SETD2: variants seen among roughly 807,000 people sequenced by gnomAD.
The protein encoded by SETD2 is SET domain containing 2, histone lysine methyltransferase.
In SETD2, 31 loss-of-function variants were observed where a neutral mutation model predicts 242.1. The observed-to-expected ratio is 0.13, with a 90% CI of 0.10 to 0.17. SETD2 has a LOEUF of 0.17. SETD2 is among the 10% of genes least tolerant of loss of function. The pLI is 1.00. For missense variants in SETD2, 2,481 were observed against 3,046.3 expected (o/e 0.81, Z 4.37); for synonymous variants, 1,006 against 1,066.5 (o/e 0.94, Z 1.11).
chr3:47,058,726 G>T (rs2040195276), intron 14 of SETD2, among the ~76,000 whole-genome samples: 1 of 151,856 alleles, frequency 6.6e-6, no homozygotes, highest in Non-Finnish European at 1.5e-5. Flanking sequence ...AAAACCAGAG[G>T]GTCAGAAAGC....
intron 16 of SETD2, among the ~76,000 whole-genome samples, chr3:47,045,052 C>G (rs2107545596): frequency 6.6e-6 from 1 of 152,206 alleles, no homozygotes; most frequent in East Asian, 1.9e-4. Context: ...AAGGGATACT[C>G]AACCTGTACG....
At chr3:47,126,767 T>C in intron 1 of SETD2, 104 bp from the exon 2 acceptor site, 1 of 676,116 alleles carries the variant, frequency 1.5e-6, no homozygotes, top group African/African-American at 1.8e-5. Flanking sequence ...TTGGGATACT[T>C]ACTACCTACA....
chr3:47,096,882 T>C (rs2042030665), intron 9 of SETD2, among the ~76,000 whole-genome samples: 1 of 152,262 alleles, frequency 6.6e-6, no homozygotes, highest in African/African-American at 2.4e-5. Flanking sequence ...GTGTTTGTTA[T>C]ATAAACTGTC....
chr3:47,081,005 C>T (rs1403011690), intron 12 of SETD2: 8 of 986,716 alleles, frequency 8.1e-6, no homozygotes, highest in African/African-American at 3.5e-5. Flanking sequence ...TTCTTCAGCA[C>T]GAAGTTGGAA....
chr3:47,086,726 G>GT lies in SETD2; in HGVS notation c.5278-413dup, dbSNP rs987420764. Among the ~76,000 whole-genome samples, 831 of 144,424 alleles carry GT rather than the reference G, an allele frequency of 5.8e-3. 9 individuals are homozygous for GT. The highest frequency in any genetic ancestry group is 0.018 in the African/African-American group (704 of 39,666). The allele number at this position is 144,424 out of a possible 152,430, so 94.7% of individuals were successfully genotyped here. ...TTGAAAAGACCTCTTTTTCCTGTTA[G>GT]TTTTTTTTTTTTAATCATCATGGTT... On this transcript the variant is annotated intron_variant, in intron 10 of 20. Transcript: ENST00000409792.
intron 12 of SETD2, 30 bp from the exon 13 acceptor site, chr3:47,067,148 T>C (rs748065556): frequency 1.6e-5 from 25 of 1,548,738 alleles, no homozygotes; most frequent in Non-Finnish European, 2.2e-5. Context: ...GGGAGGGTTA[T>C]TAGTGAGGGT....
intron 18 of SETD2, among the ~76,000 whole-genome samples, chr3:47,036,456 G>A (rs1326571136): frequency 6.6e-6 from 1 of 152,080 alleles, no homozygotes; most frequent in East Asian, 1.9e-4. Context: ...TTGGGTGGTT[G>A]AGACATGAGA....
chr3:47,086,340 T>G, intron 10 of SETD2, 26 bp from the exon 11 acceptor site: 1 of 1,607,410 alleles, frequency 6.2e-7, no homozygotes, highest in South Asian at 1.1e-5. Context: ...GGAGACACGA[T>G]GCAGAGCATT....
At chr3:47,035,145 T>C (rs988640150) in intron 18 of SETD2, among the ~76,000 whole-genome samples, 2 of 152,220 alleles carry the variant, frequency 1.3e-5, no homozygotes, top group African/African-American at 4.8e-5. Context: ...GCCAATTATT[T>C]AGACTTGAAT....
In SETD2 at chr3:47,083,882, G is replaced by C. The variant is rs766676601; in HGVS notation, c.5898C>G (p.Asn1966Lys). The change falls in exon 12 of 21, where the codon AAC becomes AAG. Residue 1966 changes from asparagine to lysine, a missense_variant. Coordinates refer to ENST00000409792, the MANE Select transcript of SETD2 (RefSeq NM_014159.7). ...TAATAGGTTCTTCTAGTTTTGTGCC[G>C]TTGCTCTCTTTGGGCTCTATTTCAG... ...ADAEIEPKES[N>K]GTKLEEPINE... The C allele has an allele frequency of 1.2e-6, 2 of 1,614,100 alleles. No homozygotes were observed. The highest frequency in any genetic ancestry group is 1.7e-6 in the Non-Finnish European group (2 of 1,179,994).
chr3:47,120,870 T>C lies in SETD2; in HGVS notation c.3766A>G (p.Arg1256Gly). 7 of 1,614,252 alleles carry C rather than the reference T, an allele frequency of 4.3e-6. No individual in the cohort carries two copies. The highest frequency in any genetic ancestry group is 1.1e-5 in the South Asian group (1 of 91,090). The change falls in exon 3 of 21, where the codon AGA becomes GGA. Residue 1256 changes from arginine (R) to glycine (G), a missense_variant. This residue lies in a region of SETD2 where 1,300 missense variants were observed against 1,259.2 expected (regional missense o/e 1.03). Coordinates refer to ENST00000409792, the MANE Select transcript of SETD2 (RefSeq NM_014159.7). ...VDGLHSSEEL[R>G]NLGWDFSQEK... is the part of the protein sequence containing the mutation. ...TGAGAGAAGTCCCAACCTAAGTTTCTGAGCTCTTCTGATGAGTGCAAGCCA... is the reference window on the plus strand; with the variant it reads ...TGAGAGAAGTCCCAACCTAAGTTTCCGAGCTCTTCTGATGAGTGCAAGCCA...
intron 16 of SETD2, among the ~76,000 whole-genome samples, chr3:47,046,052 G>C (rs1462459281): frequency 6.6e-6 from 1 of 151,906 alleles, no homozygotes; most frequent in East Asian, 1.9e-4. Context: ...TTTAAAAACG[G>C]GCCGGGCGTG....
chr3:47,115,722 G>C (rs1284378672), intron 4 of SETD2, among the ~76,000 whole-genome samples: 1 of 152,146 alleles, frequency 6.6e-6, no homozygotes, highest in Non-Finnish European at 1.5e-5. Context: ...ACAGCTCACT[G>C]CAAGCTCCAC....
intron 18 of SETD2, among the ~76,000 whole-genome samples, chr3:47,024,782 G>A (rs2038397940): frequency 6.6e-6 from 1 of 152,172 alleles, no homozygotes; most frequent in Admixed American, 6.5e-5. Flanking sequence ...TTAAAAGCCA[G>A]GAGGCAGCAG....
At position 47,017,553 on chromosome 3, in the gene SETD2, C is replaced by A. The variant is rs940072528; in HGVS notation, c.7533+85G>T. 32 of 1,036,140 alleles carry A rather than the reference C, an allele frequency of 3.1e-5. No homozygotes were observed. The African/African-American group carries it at 4.2e-4, about 13-fold the overall frequency. The allele number at this position is 1,036,140 out of a possible 1,614,324, so 64.2% of individuals were successfully genotyped here. A position where few individuals can be genotyped will look rare whatever the true frequency, so the allele number is the denominator to read the frequency against. On this transcript the variant is annotated intron_variant, in intron 20 of 20. Transcript: ENST00000409792. The surrounding 1 kb of genome is among the most constrained non-coding windows in gnomAD (Gnocchi z 4.8). The stretch of plus-strand genomic sequence containing the variant: ...ACATCTGACAAGAAAAAAAAAAATA[C>A]TTTCTATGATGAAAAGGGCTTCTTA...
chr3:47,047,482 A>G (rs1363270283), intron 15 of SETD2, among the ~76,000 whole-genome samples: 1 of 152,210 alleles, frequency 6.6e-6, no homozygotes, highest in African/African-American at 2.4e-5. Flanking sequence ...GCTTAAGGAG[A>G]GATTTTGCTC....
chr3:47,067,406 CTTTTTTTTT>C (rs548953692), intron 12 of SETD2, among the ~76,000 whole-genome samples: 32 of 83,902 alleles, frequency 3.8e-4, no homozygotes, highest in African/African-American at 1.5e-3. Flanking sequence ...TCCTGAGCAT[CTTTTTTTTT>C]TTTTTTTTTT....
intron 1 of SETD2, among the ~76,000 whole-genome samples, chr3:47,131,939 A>G (rs1312444774): frequency 2.0e-5 from 3 of 150,770 alleles, no homozygotes; most frequent in African/African-American, 7.3e-5. Flanking sequence ...CACCGTGCCC[A>G]GCTAATTTTT....
chr3:47,143,520 C>A (rs1267299917), intron 1 of SETD2, among the ~76,000 whole-genome samples: 2 of 152,092 alleles, frequency 1.3e-5, no homozygotes, highest in East Asian at 1.9e-4. Context: ...TATTTTTGAA[C>A]ATCATTTTGC....
Sources: gnomAD v4.1 joint callset for allele counts (sites outside exome capture counted in the v4.1 genomes callset) on GRCh38, gnomAD v4.1.1 for gene constraint, gnomAD v4.1.1 regional missense constraint, Gnocchi (gnomAD v3.1) non-coding constraint, MANE v1.5 for transcripts, NCBI Gene and HGNC (gene_info 2026-07-23, HGNC 2026-07-21) for gene names.